Variants in SLCO2A1 observed in about 807,000 individuals in gnomAD.
SLCO2A1 encodes the protein matrin F/G 1.
SLCO2A1 carries 60 observed loss-of-function variants against 71.7 expected under a neutral mutation model. The observed-to-expected ratio is 0.84, with a 90% CI of 0.68 to 1.04. SLCO2A1 has a LOEUF of 1.04. SLCO2A1 is among the 50% of genes least tolerant of loss of function. The probability of loss-of-function intolerance (pLI) is 0.00; values close to 1 mark genes in which losing one functional copy is unlikely to be tolerated. For synonymous variants in SLCO2A1, 308 were observed against 326.7 expected (o/e 0.94, Z 0.62); for missense variants, 745 against 813.4 (o/e 0.92, Z 1.02).
At chr3:134,029,057 C>G (rs998319395) in intron 1 of SLCO2A1, among the ~76,000 whole-genome samples, 11 of 152,176 alleles carry the variant, frequency 7.2e-5, no homozygotes, top group African/African-American at 2.4e-4. Flanking sequence ...ATTTCCAGAC[C>G]AGGGAAGCCA....
chr3:134,017,269 A>G (rs1161459608), intron 1 of SLCO2A1, among the ~76,000 whole-genome samples: 1 of 152,252 alleles, frequency 6.6e-6, no homozygotes, highest in East Asian at 1.9e-4. Flanking sequence ...TGAAGGCTAC[A>G]CAGGACCTGT....
chr3:133,965,913 T>C (rs1054146006), intron 3 of SLCO2A1, among the ~76,000 whole-genome samples: 7 of 152,132 alleles, frequency 4.6e-5, no homozygotes. Flanking sequence ...CTGGGACTGA[T>C]GGAGTGGAGT....
Position 133,934,546 on chromosome 3 carries a change from T to G in SLCO2A1, c.*167A>C. On this transcript the variant is annotated 3_prime_UTR_variant, in exon 14 of 14. Transcript: ENST00000310926. ...GGTACACAGTGGCCCTTAGGAACTG[T>G]GGGGAGGACTCTGGGAGGAAGAGGT... 1.8e-6 allele frequency: 1 copy of G among 554,682 alleles called. No individual in the cohort carries two copies. Among genetic ancestry groups the G allele is most frequent in the Non-Finnish European group, 3.2e-6 (1 of 308,868 alleles). The allele number at this position is 554,682 out of a possible 1,614,324, so 34.4% of individuals were successfully genotyped here.
intron 1 of SLCO2A1, among the ~76,000 whole-genome samples, chr3:133,981,619 CG>C (rs1351557920): frequency 6.6e-6 from 1 of 152,112 alleles, no homozygotes; most frequent in African/African-American, 2.4e-5. Flanking sequence ...TTCCAGTCAC[CG>C]GACTAGAAGA....
rs1443169370 is a variant in SLCO2A1, at chr3:133,936,697, C to T, written c.1691-800G>A. On this transcript the variant is annotated intron_variant, in intron 12 of 13. Coordinates refer to ENST00000310926, the MANE Select transcript of SLCO2A1 (RefSeq NM_005630.3). ...AGCACCACAGTGCTGACAACAGCCT[C>T]CCAGACTTTGTTTAGGGCCCTGTGA... Among the ~76,000 whole-genome samples the T allele has an allele frequency of 4.6e-5, 7 of 152,270 alleles. No individual in the cohort carries two copies. In the South Asian group the frequency reaches 1.4e-3, roughly 32 times the overall value.
chr3:133,966,465 C>A (rs1390578947), intron 3 of SLCO2A1, among the ~76,000 whole-genome samples: 2 of 152,178 alleles, frequency 1.3e-5, no homozygotes, highest in Non-Finnish European at 2.9e-5. Context: ...CCCCTGCTCA[C>A]ACCTCTCCGC....
At chr3:134,003,560 C>A (rs535932086) in intron 1 of SLCO2A1, among the ~76,000 whole-genome samples, 3 of 152,206 alleles carry the variant, frequency 2.0e-5, no homozygotes, top group Non-Finnish European at 2.9e-5. Context: ...CTCCTCTCAT[C>A]AGTGACTTCA....
rs370012782 is a variant in SLCO2A1 at position 134,019,647 on chromosome 3, A to G, written c.96+10060T>C. On this transcript the variant is annotated intron_variant, in intron 1 of 13. Coordinates refer to ENST00000310926, the MANE Select transcript of SLCO2A1 (RefSeq NM_005630.3). Reference sequence around the variant, plus strand: ...GGTCAATTACCAGCTCTTGCAGGTAAGGACGCTGAGGCCCTGAAAAGGTGA... The same window carrying G: ...GGTCAATTACCAGCTCTTGCAGGTAGGGACGCTGAGGCCCTGAAAAGGTGA... Among the ~76,000 whole-genome samples the G allele has an allele frequency of 7.4e-4, 113 of 152,276 alleles. 1 individual carries two copies. Among genetic ancestry groups the G allele is most frequent in the African/African-American group, 2.7e-3 (111 of 41,562 alleles).
chr3:133,967,827 AC>A (rs1934219488), intron 3 of SLCO2A1, among the ~76,000 whole-genome samples: 1 of 26,410 alleles, frequency 3.8e-5, no homozygotes, highest in Non-Finnish European at 7.7e-5. Flanking sequence ...CCACCTCCAT[AC>A]CCCCCACACA....
intron 9 of SLCO2A1, 77 bp downstream of exon 9, chr3:133,947,179 G>T: frequency 8.0e-7 from 1 of 1,256,346 alleles, no homozygotes; most frequent in Non-Finnish European, 1.1e-6. Context: ...TAAGGAAGCA[G>T]GAAGGAAGAT....
intron 2 of SLCO2A1, among the ~76,000 whole-genome samples, chr3:133,974,565 A>C (rs924818511): frequency 3.3e-5 from 5 of 152,184 alleles, no homozygotes; most frequent in Non-Finnish European, 7.3e-5. Flanking sequence ...TGTGAAATGA[A>C]GGATAAGAAC....
rs774998107 is a variant in SLCO2A1, at chr3:133,942,619, G to A, written c.1611C>T (p.Tyr537=). ...LIACISHNPL[Y]MMVLRVVNQE... ...TTGCCACTCACCGCAGAACCATCAT[G>A]TAGAGGGGGTTGTGGGAGATGCAGG... The change falls in exon 11 of 14, where the codon TAC becomes TAT. Residue 537 remains tyrosine, a synonymous_variant. Coordinates refer to ENST00000310926, the MANE Select transcript of SLCO2A1 (RefSeq NM_005630.3). The A allele has an allele frequency of 8.7e-6, 14 of 1,612,980 alleles. No individual in the cohort carries two copies. The highest frequency in any genetic ancestry group is 1.1e-5 in the Non-Finnish European group (13 of 1,179,532).
intron 11 of SLCO2A1, among the ~76,000 whole-genome samples, chr3:133,939,501 G>A (rs1446390784): frequency 6.6e-6 from 1 of 152,230 alleles, no homozygotes; most frequent in African/African-American, 2.4e-5. Flanking sequence ...TCTACCTGTG[G>A]TTTGTTTCAC....
intron 1 of SLCO2A1, among the ~76,000 whole-genome samples, chr3:133,999,095 G>A (rs1307596718): frequency 6.6e-6 from 1 of 152,102 alleles, no homozygotes; most frequent in African/African-American, 2.4e-5. Flanking sequence ...CCTTCTCTAG[G>A]TTACTCCTCG....
chr3:133,952,941 G>A (rs35235798), intron 5 of SLCO2A1, among the ~76,000 whole-genome samples: 59,492 of 151,918 alleles, frequency 0.39, 11,981 homozygotes, highest in African/African-American at 0.46. Flanking sequence ...GTCATCATCC[G>A]TGTGTATATT....
intron 3 of SLCO2A1, among the ~76,000 whole-genome samples, chr3:133,966,983 T>A (rs1191240376): frequency 1.3e-5 from 2 of 152,210 alleles, no homozygotes; most frequent in Admixed American, 1.3e-4. Flanking sequence ...GTTCCCAGGA[T>A]GCCCAAAGCC....
chr3:133,979,676 C>A, intron 1 of SLCO2A1, 58 bp from the exon 2 acceptor site: 2 of 1,540,996 alleles, frequency 1.3e-6, no homozygotes, highest in South Asian at 1.3e-5. Context: ...GGCGCCCTCC[C>A]AGCCATCTGT....
intron 1 of SLCO2A1, among the ~76,000 whole-genome samples, chr3:133,995,754 G>A (rs1333513667): frequency 2.6e-5 from 4 of 152,146 alleles, no homozygotes; most frequent in African/African-American, 7.2e-5. Flanking sequence ...AAACAATGAC[G>A]AATGATTTCA....
At position 133,934,595 on chromosome 3, in the gene SLCO2A1, G is replaced by A; in HGVS notation, c.*118C>T. On this transcript the variant is annotated 3_prime_UTR_variant, in exon 14 of 14. Coordinates refer to ENST00000310926, the MANE Select transcript of SLCO2A1 (RefSeq NM_005630.3). ...GTAGGGAAGGCAAATGAGGACTGGGGTTTTCTTTCTTGTTTAAAAATACAA... is the reference window on the plus strand; with the variant it reads ...GTAGGGAAGGCAAATGAGGACTGGGATTTTCTTTCTTGTTTAAAAATACAA... 1.3e-6 allele frequency: 1 copy of A among 762,946 alleles called. No homozygotes were observed. The highest frequency in any genetic ancestry group is 1.7e-5 in the South Asian group (1 of 58,612). The allele number at this position is 762,946 out of a possible 1,614,324, so 47.3% of individuals were successfully genotyped here.
Sources: gnomAD v4.1 joint callset for allele counts (sites outside exome capture counted in the v4.1 genomes callset) on GRCh38, gnomAD v4.1.1 for gene constraint, MANE v1.5 for transcripts, NCBI Gene and HGNC (gene_info 2026-07-23, HGNC 2026-07-21) for gene names.